The following SETBP1 variants were observed in gnomAD, a reference collection of about 807,000 sequenced individuals.
SETBP1 encodes SET binding protein 1, also known as SET-binding protein.
In SETBP1, 9 loss-of-function variants were observed where a neutral mutation model predicts 101.0. That is an observed-to-expected ratio of 0.09 (90% confidence interval 0.05 to 0.16). The LOEUF (loss-of-function observed/expected upper bound fraction) is 0.16. Ranked by LOEUF, SETBP1 falls within the 10% of genes least tolerant of loss-of-function variation. The pLI, the probability that SETBP1 is intolerant of heterozygous loss-of-function variation, is 1.00. For missense variants in SETBP1, 1,858 were observed against 2,033.8 expected (o/e 0.91, Z 1.66); for synonymous variants, 818 against 788.5 (o/e 1.04, Z -0.63).
At chr18:44,849,596 G>A (rs570557883) in intron 2 of SETBP1, among the ~76,000 whole-genome samples, 44 of 152,086 alleles carry the variant, frequency 2.9e-4, no homozygotes, top group Non-Finnish European at 3.8e-4. Flanking sequence ...TAGCACATCC[G>A]TGACGCCCTC....
chr18:44,881,698 G>A (rs903244911), intron 3 of SETBP1, among the ~76,000 whole-genome samples: 1 of 152,116 alleles, frequency 6.6e-6, no homozygotes, highest in Non-Finnish European at 1.5e-5. Context: ...AATGTCCTTC[G>A]CTAGATCCAG....
At chr18:44,961,030 C>G (rs1443062366) in intron 4 of SETBP1, among the ~76,000 whole-genome samples, 1 of 152,174 alleles carries the variant, frequency 6.6e-6, no homozygotes, top group Non-Finnish European at 1.5e-5. Context: ...AGAGCGGAAA[C>G]CCAGCTGGTG....
At chr18:44,812,213 C>A (rs1020044190) in intron 2 of SETBP1, among the ~76,000 whole-genome samples, 1 of 152,220 alleles carries the variant, frequency 6.6e-6, no homozygotes, top group South Asian at 2.1e-4. Context: ...TGCACACCCC[C>A]ACTTGTCCCC....
chr18:44,972,747 A>G (rs2071895694), intron 4 of SETBP1, among the ~76,000 whole-genome samples: 1 of 152,202 alleles, frequency 6.6e-6, no homozygotes, highest in Non-Finnish European at 1.5e-5. Context: ...ACTTTGCTGA[A>G]GTTGCCTATC....
chr18:45,025,257 C>A (rs2073141971), intron 4 of SETBP1, among the ~76,000 whole-genome samples: 1 of 152,158 alleles, frequency 6.6e-6, no homozygotes, highest in Non-Finnish European at 1.5e-5. Context: ...TGGACTTTGG[C>A]TTTATTAGTG....
At chr18:44,843,197 G>T (rs12965289) in intron 2 of SETBP1, among the ~76,000 whole-genome samples, 50,345 of 152,130 alleles carry the variant, frequency 0.33, 8,401 homozygotes, top group South Asian at 0.44. Flanking sequence ...TGTGAGAGGG[G>T]CATGGCACCT....
At chr18:44,957,226 T>G (rs2071506213) in intron 4 of SETBP1, among the ~76,000 whole-genome samples, 2 of 152,124 alleles carry the variant, frequency 1.3e-5, no homozygotes, top group Admixed American at 6.5e-5. Flanking sequence ...TGATGCCATG[T>G]GCCCTCAAAG....
intron 2 of SETBP1, among the ~76,000 whole-genome samples, chr18:44,798,560 A>G (rs140854974): frequency 1.3e-5 from 2 of 152,336 alleles, no homozygotes; most frequent in Non-Finnish European, 2.9e-5. Context: ...GGGTGGAAAG[A>G]AAAACCAAAG....
chr18:44,782,004 C>T (rs16978169), intron 2 of SETBP1, among the ~76,000 whole-genome samples: 13,896 of 152,198 alleles, frequency 0.091, 786 homozygotes, highest in East Asian at 0.24. Context: ...AGAAGGATGT[C>T]AGAAAACCAA....
At chr18:44,907,139 G>A (rs1243237686) in intron 3 of SETBP1, among the ~76,000 whole-genome samples, 1 of 152,082 alleles carries the variant, frequency 6.6e-6, no homozygotes, top group African/African-American at 2.4e-5. Flanking sequence ...CTTTCACTTA[G>A]CATAGTATTT....
rs570089915 is a variant in SETBP1, at chr18:44,972,136, C to T, written c.4000+18796C>T. Among the ~76,000 whole-genome samples, 107 of 152,284 alleles carry T rather than the reference C, an allele frequency of 7.0e-4. 1 individual carries two copies. Among genetic ancestry groups the T allele is most frequent in the Non-Finnish European group, 3.2e-4 (22 of 68,010 alleles). On this transcript the variant is annotated intron_variant, in intron 4 of 5. Transcript: ENST00000649279. ...AGCACCATTTATTAAATAGGGAATC[C>T]TTTCCCCATTTCTTATTTTTGTCAG...
At chr18:44,933,879 C>T (rs576121935) in intron 3 of SETBP1, among the ~76,000 whole-genome samples, 30 of 152,096 alleles carry the variant, frequency 2.0e-4, no homozygotes, top group Non-Finnish European at 4.0e-4. Flanking sequence ...AAGGAAATTC[C>T]CCAACCCCTT....
intron 4 of SETBP1, among the ~76,000 whole-genome samples, chr18:45,031,962 CTT>C (rs1157329437): frequency 6.6e-6 from 1 of 152,156 alleles, no homozygotes; most frequent in Non-Finnish European, 1.5e-5. Context: ...CCAAAGCACT[CTT>C]TTTGCAGCTG....
chr18:44,917,710 C>A (rs1237767926), intron 3 of SETBP1, among the ~76,000 whole-genome samples: 2 of 152,150 alleles, frequency 1.3e-5, no homozygotes, highest in African/African-American at 4.8e-5. Context: ...AGCTTGTCCT[C>A]AAGCCTGCCA....
chr18:44,848,101 G>GTGTA (rs2144567437), intron 2 of SETBP1, among the ~76,000 whole-genome samples: 1 of 144,586 alleles, frequency 6.9e-6, no homozygotes, highest in African/African-American at 2.6e-5. Flanking sequence ...GTGTGTGTGT[G>GTGTA]TGTAACCTAT....
chr18:44,772,939 G>A (rs2070908407), intron 2 of SETBP1, among the ~76,000 whole-genome samples: 1 of 152,090 alleles, frequency 6.6e-6, no homozygotes, highest in Non-Finnish European at 1.5e-5. Flanking sequence ...AATTCAGTTG[G>A]ATTTTTGGAG....
intron 2 of SETBP1, among the ~76,000 whole-genome samples, chr18:44,712,965 T>C (rs1312282277): frequency 6.8e-6 from 1 of 147,226 alleles, no homozygotes; most frequent in East Asian, 2.0e-4. Flanking sequence ...TTTTTTTTTT[T>C]TTTTTTTTTT....
intron 4 of SETBP1, among the ~76,000 whole-genome samples, chr18:44,965,669 A>G (rs1229036546): frequency 6.6e-6 from 1 of 152,218 alleles, no homozygotes; most frequent in Non-Finnish European, 1.5e-5. Context: ...TCCATGGACA[A>G]TGCAAGCATC....
At chr18:44,965,246 G>A (rs9964578) in intron 4 of SETBP1, among the ~76,000 whole-genome samples, 8,128 of 149,276 alleles carry the variant, frequency 0.054, 742 homozygotes, top group African/African-American at 0.19. Flanking sequence ...CTCTCACTTC[G>A]CACACATACA....
Sources: allele counts gnomAD v4.1 joint callset (sites outside exome capture counted in the v4.1 genomes callset), GRCh38; gene constraint gnomAD v4.1.1; transcripts MANE v1.5; gene names NCBI Gene and HGNC (gene_info 2026-07-23, HGNC 2026-07-21).